PKD1: variants seen among roughly 807,000 people sequenced by gnomAD.
PKD1 encodes polycystin-1.
PKD1 carries 81 observed loss-of-function variants against 361.7 expected under a neutral mutation model. That is an observed-to-expected ratio of 0.22 (90% CI 0.19 to 0.27). The LOEUF is 0.27. PKD1 is among the 10% of genes least tolerant of loss of function. The pLI is 1.00. For synonymous variants in PKD1, 3,615 were observed against 2,818.3 expected (o/e 1.28, Z -8.95); for missense variants, 6,399 against 6,118.3 (o/e 1.05, Z -1.53).
At chr16:2,113,929 T>G in intron 11 of PKD1, 2 of 586,106 alleles carry the variant, frequency 3.4e-6, no homozygotes, top group South Asian at 2.0e-5. Flanking sequence ...AGTTTTAAAT[T>G]CATTTTGTGA....
rs773407492 is a variant in PKD1, at chr16:2,110,408, G to A, written c.4759C>T (p.Arg1587Cys). 239 of 1,612,502 alleles carry A rather than the reference G, an allele frequency of 1.5e-4. No individual in the cohort carries two copies. In the Middle Eastern group the frequency reaches 1.8e-3, roughly 12 times the overall value. The part of the protein sequence containing the change: ...DVRYSWVLCD[R>C]CTPIPGGPTI... ...GGACCCCCAGGGATGGGCGTGCAGC[G>A]GTCACAGAGCACCCAGGAATAGCGC... Residue 1587 changes from arginine to cysteine, a missense_variant, in exon 15 of 46, where the codon CGC (arginine) becomes TGC (cysteine). Physicochemically the swap from Arg to Cys is radical, Grantham distance 180. Transcript: ENST00000262304.
intron 1 of PKD1, among the ~76,000 whole-genome samples, chr16:2,123,262 GAGCTCCC>G (rs2092750525): frequency 6.6e-6 from 1 of 152,052 alleles, no homozygotes; most frequent in African/African-American, 2.4e-5. Flanking sequence ...CCGCTCGGCC[GAGCTCCC>G]AGGGCCCAGG....
intron 1 of PKD1, chr16:2,119,891 C>T: frequency 2.9e-6 from 2 of 700,450 alleles, no homozygotes; most frequent in South Asian, 3.0e-5. Context: ...GAGCAGGCGC[C>T]ACCTCGAGGC....
Position 2,135,239 on chromosome 16 carries a change from G to A in PKD1, c.215+236C>T, listed in dbSNP as rs554125395. 3.3e-5 allele frequency: 33 copies of A among 985,188 alleles called. No individual in the cohort carries two copies. In the African/African-American group the frequency reaches 5.6e-4, roughly 17 times the overall value. The allele number at this position is 985,188 out of a possible 1,614,324, so 61.0% of individuals were successfully genotyped here. The stretch of plus-strand genomic sequence containing the variant: ...GCCTCCGCGCCCCGCCCCCGCTGGC[G>A]TCTGCAGAGCCCCCGGGTGGGACGT... On this transcript the variant is annotated intron_variant, in intron 1 of 45. Coordinates refer to ENST00000262304, the MANE Select transcript of PKD1 (RefSeq NM_001009944.3).
rs1265847155 is a variant in PKD1, at chr16:2,114,665, G to C, written c.2358C>G (p.Pro786=). Residue 786 remains proline, a synonymous_variant, in exon 11 of 46, where the codon CCC becomes CCG. Transcript: ENST00000262304. ...EQLTVLLGLR[P]NPGLRLPGRY... Reference sequence around the variant, plus strand: ...GCCCAGGCAGCCGCAGTCCAGGGTTGGGCCTCAAGCCCAGCAGCACGGTGA... The same window carrying C: ...GCCCAGGCAGCCGCAGTCCAGGGTTCGGCCTCAAGCCCAGCAGCACGGTGA... 4 of 1,549,564 alleles carry C rather than the reference G, an allele frequency of 2.6e-6. No individual in the cohort carries two copies. The highest frequency in any genetic ancestry group is 2.4e-5 in the East Asian group (1 of 41,786).
Position 2,090,022 on chromosome 16 carries a change from G to C in PKD1, c.12617C>G (p.Thr4206Arg), listed in dbSNP as rs747506263. ...GCGGGAGGGCTCAGGCTCACACCTT[G>C]TCCCCAGCCGGCCCAGGCTCACGCT... ...GLSVSLGRLGTRCEPEPSRLQ... is the reference protein window; with the variant it reads ...GLSVSLGRLGRRCEPEPSRLQ... Residue 4206 changes from threonine (T) to arginine (R), a missense_variant, in exon 46 of 46, where the codon ACA becomes AGA. Coordinates refer to ENST00000262304, the MANE Select transcript of PKD1 (RefSeq NM_001009944.3). The C allele has an allele frequency of 1.2e-6, 2 of 1,610,260 alleles. No individual in the cohort carries two copies. Among genetic ancestry groups the C allele is most frequent in the African/African-American group, 1.3e-5 (1 of 74,908 alleles).
chr16:2,104,838 G>A (rs558344661), intron 21 of PKD1, among the ~76,000 whole-genome samples, 196 bp from the exon 22 acceptor site: 32 of 133,330 alleles, frequency 2.4e-4, no homozygotes, highest in Middle Eastern at 3.4e-3. Context: ...TGGGGACCAC[G>A]TGATGCAGCC....
chr16:2,118,222 G>T lies in PKD1; in HGVS notation c.770C>A (p.Pro257His), dbSNP rs778775293. Residue 257 changes from proline (P) to histidine (H), a missense_variant, in exon 5 of 46, where the codon CCC (proline) becomes CAC (histidine). Transcript: ENST00000262304. The surrounding 1 kb of genome is among the most constrained non-coding windows in gnomAD (Gnocchi z 6.0). Reference protein sequence around the residue: ...LCSGPPPPPAPTCRGPTLLQH... With the variant: ...LCSGPPPPPAHTCRGPTLLQH... ...GAGGAGGGTGGGGCCCCTACAGGTGGGGGCAGGAGGTGGCGGGGGGCCGGA... is the reference window on the plus strand; with the variant it reads ...GAGGAGGGTGGGGCCCCTACAGGTGTGGGCAGGAGGTGGCGGGGGGCCGGA... The T allele has an allele frequency of 1.3e-6, 2 of 1,533,258 alleles. No homozygotes were observed. The highest frequency in any genetic ancestry group is 1.8e-6 in the Non-Finnish European group (2 of 1,142,416). The allele number at this position is 1,533,258 out of a possible 1,614,324, so 95.0% of individuals were successfully genotyped here. A position where few individuals can be genotyped will look rare whatever the true frequency, so the allele number is the denominator to read the frequency against.
intron 11 of PKD1, chr16:2,113,807 G>C (rs2092580128): frequency 2.4e-6 from 1 of 411,662 alleles, no homozygotes; most frequent in African/African-American, 2.0e-5. Flanking sequence ...GCAGCCCGCA[G>C]TTTCCCATCA....
At chr16:2,135,344 G>T in intron 1 of PKD1, 131 bp downstream of exon 1, 4 of 1,067,510 alleles carry the variant, frequency 3.7e-6, no homozygotes, top group Non-Finnish European at 4.5e-6. Flanking sequence ...TAGCAGGGCC[G>T]CCGTGCCGCG....
intron 12 of PKD1, 89 bp from the exon 13 acceptor site, chr16:2,113,052 G>A (rs2092559972): frequency 2.9e-6 from 4 of 1,394,990 alleles, no homozygotes; most frequent in African/African-American, 1.4e-5. Flanking sequence ...CACAGCCATG[G>A]CAGCGTCCTC....
intron 1 of PKD1, chr16:2,131,900 A>T (rs1292528750): frequency 6.6e-6 from 1 of 152,248 alleles, no homozygotes; most frequent in African/African-American, 2.4e-5. Context: ...ACAGCCAGGT[A>T]GAATTCTTCA....
At position 2,102,089 on chromosome 16, in the gene PKD1, G is replaced by A. The variant is rs773146010; in HGVS notation, c.9369C>T (p.Leu3123=). 7.0e-6 allele frequency: 11 copies of A among 1,570,438 alleles called. No homozygotes were observed. The highest frequency in any genetic ancestry group is 6.8e-5 in the East Asian group (3 of 44,044). The change falls in exon 26 of 46, where the codon CTC becomes CTT. Residue 3123 remains leucine, a synonymous_variant. Coordinates refer to ENST00000262304, the MANE Select transcript of PKD1 (RefSeq NM_001009944.3). The part of the protein sequence containing the change: ...GQRGRFKYEI[L]VKTGWGRGSG... ...AGCCCCGGCCCCAGCCTGTCTTGAC[G>A]AGGATCTCGTACTTGAAGCGGCCCC...
chr16:2,098,174 G>C (rs3874646), intron 30 of PKD1, 190 bp from the exon 31 acceptor site: 3 of 602,968 alleles, frequency 5.0e-6, no homozygotes, highest in Non-Finnish European at 8.9e-6. Flanking sequence ...CTGAACACTT[G>C]ACAGCAGACT....
intron 30 of PKD1, 32 bp from the exon 31 acceptor site, chr16:2,098,016 C>T: frequency 8.3e-7 from 1 of 1,206,870 alleles, no homozygotes; most frequent in Non-Finnish European, 1.2e-6. Flanking sequence ...CAGCGGGCGG[C>T]AGCTCAGACC....
At chr16:2,132,631 C>T (rs2092900685) in intron 1 of PKD1, among the ~76,000 whole-genome samples, 1 of 150,688 alleles carries the variant, frequency 6.6e-6, no homozygotes, top group Admixed American at 6.6e-5. Context: ...GTGTGTGGAC[C>T]TTATTTGGCT....
intron 23 of PKD1, 89 bp downstream of exon 23, chr16:2,103,177 C>T: frequency 3.5e-6 from 5 of 1,421,548 alleles, no homozygotes; most frequent in South Asian, 1.2e-5. Context: ...GCAAATTTCA[C>T]CAGAGACACC....
Position 2,135,524 on chromosome 16 carries a change from G to A in PKD1, c.166C>T (p.Leu56=). 1 of 1,163,308 alleles carries A rather than the reference G, an allele frequency of 8.6e-7. No individual in the cohort carries two copies. Among genetic ancestry groups the A allele is most frequent in the Non-Finnish European group, 1.1e-6 (1 of 943,616 alleles). 72.1% of individuals were successfully genotyped at this position (1,163,308 alleles called of 1,614,324 possible). A position where few individuals can be genotyped will look rare whatever the true frequency, so the allele number is the denominator to read the frequency against. Residue 56 remains leucine (L), a synonymous_variant, in exon 1 of 46, where the codon CTG becomes TTG. Coordinates refer to ENST00000262304, the MANE Select transcript of PKD1 (RefSeq NM_001009944.3). ...ACRVNCSGRG[L]RTLGPALRIP... ...CGCAGCGCGGGACCGAGCGTCCGCA[G>A]CCCGCGGCCCGAGCAGTTGACGCGG...
intron 41 of PKD1, 91 bp from the exon 42 acceptor site, chr16:2,091,688 G>A: frequency 6.4e-7 from 1 of 1,566,260 alleles, no homozygotes; most frequent in Non-Finnish European, 8.6e-7. Flanking sequence ...GGCTGTGGAA[G>A]CCGCCTAGGC....
Sources: gnomAD v4.1 joint callset for allele counts (sites outside exome capture counted in the v4.1 genomes callset) on GRCh38, gnomAD v4.1.1 for gene constraint, Gnocchi (gnomAD v3.1) non-coding constraint, MANE v1.5 for transcripts, NCBI Gene and HGNC (gene_info 2026-07-23, HGNC 2026-07-21) for gene names.